The following AGFG1 variants were observed in gnomAD, a reference collection of about 807,000 sequenced individuals.
AGFG1 encodes arf-GAP domain and FG repeat-containing protein 1.
Under a neutral mutation model 60.6 loss-of-function variants are expected in AGFG1, and 10 were observed. The observed-to-expected ratio is 0.16, with a 90% confidence interval of 0.10 to 0.28. The LOEUF is 0.28. Among genes scored for constraint, AGFG1 ranks in the 10% least tolerant of loss-of-function variants. The pLI, the probability that AGFG1 is intolerant of heterozygous loss-of-function variation, is 1.00. For missense variants in AGFG1, 537 were observed against 676.5 expected, an observed-to-expected ratio of 0.79 and a Z score of 2.29; for synonymous variants, 247 against 242.9, an observed-to-expected ratio of 1.02 and a Z score of -0.16.
intron 2 of AGFG1, among the ~76,000 whole-genome samples, chr2:227,518,484 A>G (rs1169794430): frequency 7.3e-6 from 1 of 137,094 alleles, no homozygotes; most frequent in Non-Finnish European, 1.6e-5. Flanking sequence ...TTCTAGTAGT[A>G]TATGCATGTC....
chr2:227,484,101 C>T (rs1199009696), intron 1 of AGFG1, among the ~76,000 whole-genome samples: 3 of 151,422 alleles, frequency 2.0e-5, no homozygotes, highest in Non-Finnish European at 4.4e-5. Context: ...TGAAATTGTA[C>T]TATTGATATT....
At chr2:227,526,208 CATTT>C (rs1575098293) in intron 5 of AGFG1, among the ~76,000 whole-genome samples, 1 of 151,922 alleles carries the variant, frequency 6.6e-6, no homozygotes. Flanking sequence ...TTCATTCATT[CATTT>C]ATTTGAGGTG....
At chr2:227,541,803 C>T (rs75262230) in intron 10 of AGFG1, among the ~76,000 whole-genome samples, 11 of 152,072 alleles carry the variant, frequency 7.2e-5, no homozygotes, top group African/African-American at 1.2e-4. Flanking sequence ...GCCATTTTCA[C>T]GATATTGATT....
intron 2 of AGFG1, among the ~76,000 whole-genome samples, chr2:227,497,045 T>C (rs1010819150): frequency 6.6e-6 from 1 of 152,150 alleles, no homozygotes; most frequent in East Asian, 1.9e-4. Context: ...TTTACAGCTA[T>C]TCTGTTGCCT....
chr2:227,513,925 T>A (rs1691574123), intron 2 of AGFG1, among the ~76,000 whole-genome samples: 1 of 152,216 alleles, frequency 6.6e-6, no homozygotes, highest in Non-Finnish European at 1.5e-5. Context: ...ATTTGAAGCA[T>A]TATGGGGAAT....
rs1359 is a variant in AGFG1 at position 227,556,495 on chromosome 2, C to T, written c.*2000C>T. On this transcript the variant is annotated 3_prime_UTR_variant, in exon 13 of 13. Transcript: ENST00000310078. ...TGAAATGTCTCCACATTTTGGAGGA[C>T]TTCCTCAGCCCTTTTCATTGAGGGA... The T allele has an allele frequency of 0.052, 7,872 of 152,666 alleles. 264 individuals are homozygous for T. Among genetic ancestry groups the T allele is most frequent in the African/African-American group, 0.1 (4,182 of 41,520 alleles). The allele number at this position is 152,666 out of a possible 1,614,324, so 9.5% of individuals were successfully genotyped here.
chr2:227,497,684 G>T (rs1166674541), intron 2 of AGFG1, among the ~76,000 whole-genome samples: 1 of 147,202 alleles, frequency 6.8e-6, no homozygotes, highest in Non-Finnish European at 1.5e-5. Context: ...TATACCTAAA[G>T]CAGTGAAAAT....
intron 1 of AGFG1, among the ~76,000 whole-genome samples, chr2:227,482,977 G>T (rs1690514846): frequency 1.0e-5 from 1 of 96,992 alleles, no homozygotes; most frequent in South Asian, 3.8e-4. Flanking sequence ...CAGTTATTGA[G>T]TCTTTTTTTT....
intron 1 of AGFG1, among the ~76,000 whole-genome samples, chr2:227,477,117 G>A (rs550685079): frequency 2.0e-4 from 31 of 152,116 alleles, no homozygotes; most frequent in African/African-American, 7.5e-4. Flanking sequence ...GGCCAGGCTC[G>A]TCTTAAACTC....
intron 5 of AGFG1, among the ~76,000 whole-genome samples, chr2:227,525,577 A>T (rs1559187521): frequency 6.6e-6 from 1 of 152,218 alleles, no homozygotes; most frequent in Non-Finnish European, 1.5e-5. Context: ...CTCTTAGTTC[A>T]TAAGATTTTT....
At position 227,517,574 on chromosome 2, in the gene AGFG1, A is replaced by G. The variant is rs79227412; in HGVS notation, c.262-2374A>G. On this transcript the variant is annotated intron_variant, in intron 2 of 12. Transcript: ENST00000310078. ...CGTGAGCCACCACGCCCGACCCACA[A>G]GAAATGTTTTGAAACAGATTTGGGG... Among the ~76,000 whole-genome samples, 1,062 of 152,312 alleles carry G rather than the reference A, an allele frequency of 7.0e-3. 21 individuals carry two copies. Among genetic ancestry groups the G allele is most frequent in the African/African-American group, 0.024 (1,016 of 41,566 alleles).
rs150399230 is a variant in AGFG1 at position 227,534,827 on chromosome 2, G to T, written c.1025-18G>T. On this transcript the variant is annotated intron_variant, in intron 7 of 12. Coordinates refer to ENST00000310078, the MANE Select transcript of AGFG1 (RefSeq NM_004504.5). ...TAACTTTAAATTTTTGGTGTAACTTGATTTTGTTCGTTCCCAGGTGGTGAT... is the reference window on the plus strand; with the variant it reads ...TAACTTTAAATTTTTGGTGTAACTTTATTTTGTTCGTTCCCAGGTGGTGAT... The T allele has an allele frequency of 4.4e-6, 7 of 1,605,922 alleles. No homozygotes were observed. The African/African-American group carries it at 9.4e-5, about 22-fold the overall frequency.
chr2:227,473,839 T>C (rs1036810873), intron 1 of AGFG1, among the ~76,000 whole-genome samples: 2 of 152,242 alleles, frequency 1.3e-5, no homozygotes, highest in African/African-American at 4.8e-5. Flanking sequence ...TAGTATTACA[T>C]GAGTGTTATT....
chr2:227,509,037 G>A (rs1691413819), intron 2 of AGFG1, among the ~76,000 whole-genome samples: 2 of 152,104 alleles, frequency 1.3e-5, no homozygotes, highest in South Asian at 4.1e-4. Context: ...CATAAAGGAA[G>A]CCATAAACAT....
rs181822032 is a variant in AGFG1 at position 227,473,519 on chromosome 2, G to A, written c.167+931G>A. ...AAGACACTACCGTCCTGAGTTACTG[G>A]GATGATTTGTGTTTGTTGTTCTTTG... On this transcript the variant is annotated intron_variant, in intron 1 of 12. Coordinates refer to ENST00000310078, the MANE Select transcript of AGFG1 (RefSeq NM_004504.5). Among the ~76,000 whole-genome samples, 7 of 152,226 alleles carry A rather than the reference G, an allele frequency of 4.6e-5. No individual in the cohort carries two copies. In the East Asian group the frequency reaches 5.8e-4, roughly 13 times the overall value.
intron 1 of AGFG1, among the ~76,000 whole-genome samples, chr2:227,489,640 AAAC>A (rs1690743354): frequency 6.6e-6 from 1 of 152,192 alleles, no homozygotes; most frequent in Non-Finnish European, 1.5e-5. Context: ...AAGCAAAACA[AAAC>A]AACAACCAAA....
At chr2:227,509,483 A>G (rs1032297838) in intron 2 of AGFG1, among the ~76,000 whole-genome samples, 6 of 152,178 alleles carry the variant, frequency 3.9e-5, no homozygotes, top group Non-Finnish European at 7.4e-5. Context: ...AATATAAAAT[A>G]TTAATGTCTT....
At chr2:227,490,670 G>A (rs778491478) in intron 1 of AGFG1, among the ~76,000 whole-genome samples, 2 of 151,978 alleles carry the variant, frequency 1.3e-5, no homozygotes, top group Non-Finnish European at 2.9e-5. Flanking sequence ...AAGTAGTTCT[G>A]TGGAACTTTG....
chr2:227,561,142 G>A lies in AGFG1; in HGVS notation c.*6647G>A, dbSNP rs1693126874. 1 of 151,998 alleles carries A rather than the reference G, an allele frequency of 6.6e-6. No homozygotes were observed. The highest frequency in any genetic ancestry group is 2.1e-4 in the South Asian group (1 of 4,822). The allele number at this position is 151,998 out of a possible 1,614,324, so 9.4% of individuals were successfully genotyped here. A position where few individuals can be genotyped will look rare whatever the true frequency, so the allele number is the denominator to read the frequency against. On this transcript the variant is annotated 3_prime_UTR_variant, in exon 13 of 13. Coordinates refer to ENST00000310078, the MANE Select transcript of AGFG1 (RefSeq NM_004504.5). Reference sequence around the variant, plus strand: ...ATACTTTAGTATGATAGATAAATTTGGTTAAGTTCTTGTTCATTGTGAAAT... The same window carrying A: ...ATACTTTAGTATGATAGATAAATTTAGTTAAGTTCTTGTTCATTGTGAAAT...
Sources: allele counts gnomAD v4.1 joint callset (sites outside exome capture counted in the v4.1 genomes callset), GRCh38; gene constraint gnomAD v4.1.1; transcripts MANE v1.5; gene names NCBI Gene and HGNC (gene_info 2026-07-23, HGNC 2026-07-21).